Variants in TUSC3 observed in about 807,000 individuals in gnomAD.
TUSC3 encodes the protein tumor suppressor candidate 3, also known as dolichyl-diphosphooligosaccharide--protein glycosyltransferase subunit TUSC3.
In TUSC3, 45 loss-of-function variants were observed where a neutral mutation model predicts 44.8. The observed-to-expected ratio is 1.00, with a 90% CI of 0.79 to 1.29. The LOEUF (loss-of-function observed/expected upper bound fraction) is 1.29. Among genes scored for constraint, TUSC3 ranks in the 50% most tolerant of loss-of-function variants. TUSC3 has a pLI of 0.00. For missense variants in TUSC3, 519 were observed against 437.9 expected (o/e 1.19, Z -1.65); for synonymous variants, 212 against 152.9 (o/e 1.39, Z -2.85).
rs549114658 is a variant in TUSC3, at chr8:15,489,815, G to A, written n.189+6332G>A. Among the ~76,000 whole-genome samples the A allele has an allele frequency of 4.6e-5, 7 of 152,228 alleles. No individual in the cohort carries two copies. The East Asian group carries it at 1.4e-3, about 29-fold the overall frequency. ...TAAAATAGTTTTTCAGGTTTACTTT[G>A]GAATCCCCTTGGCCAACAGATGGGG... On this transcript the variant is annotated intron_variant and non_coding_transcript_variant, in intron 2 of 5. Transcript: ENST00000503191.
chr8:15,464,311 C>A (rs181145539), intron 1 of TUSC3, among the ~76,000 whole-genome samples: 145 of 152,264 alleles, frequency 9.5e-4, no homozygotes, highest in African/African-American at 3.3e-3. Flanking sequence ...AAGCCCTGAG[C>A]ACTTGATAAT....
At chr8:15,736,490 G>A (rs188144602) in intron 7 of TUSC3, among the ~76,000 whole-genome samples, 1 of 152,086 alleles carries the variant, frequency 6.6e-6, no homozygotes, top group African/African-American at 2.4e-5. Flanking sequence ...TAAAATTAAG[G>A]TAGGGTATGT....
chr8:15,446,153 C>T (rs1202813649), intron 1 of TUSC3, among the ~76,000 whole-genome samples: 1 of 150,820 alleles, frequency 6.6e-6, no homozygotes, highest in African/African-American at 2.4e-5. Flanking sequence ...CAGAGGCGCT[C>T]CTCACATCCC....
intron 1 of TUSC3, among the ~76,000 whole-genome samples, chr8:15,441,936 G>A (rs1037796937): frequency 6.6e-6 from 1 of 152,094 alleles, no homozygotes; most frequent in Non-Finnish European, 1.5e-5. Context: ...CAAGTCCCCA[G>A]GAGAAACTCC....
chr8:15,545,396 C>T (rs1801830099), intron 1 of TUSC3, among the ~76,000 whole-genome samples: 1 of 151,678 alleles, frequency 6.6e-6, no homozygotes, highest in South Asian at 2.1e-4. Flanking sequence ...ATGGGCAGTA[C>T]ACTTCTTTGA....
At chr8:15,505,004 T>C in intron 2 of TUSC3, among the ~76,000 whole-genome samples, 1 of 152,122 alleles carries the variant, frequency 6.6e-6, no homozygotes, top group East Asian at 1.9e-4. Flanking sequence ...TAAACAATAC[T>C]GTATCAACAT....
intron 1 of TUSC3, among the ~76,000 whole-genome samples, chr8:15,419,523 A>G (rs1269188929): frequency 6.6e-6 from 1 of 152,254 alleles, no homozygotes; most frequent in Non-Finnish European, 1.5e-5. Context: ...TGATGTGGCA[A>G]GTTTAAGAAA....
chr8:15,687,659 T>A (rs1027848189), intron 6 of TUSC3, among the ~76,000 whole-genome samples: 2 of 152,196 alleles, frequency 1.3e-5, no homozygotes, highest in Non-Finnish European at 1.5e-5. Flanking sequence ...CCTTCAACTG[T>A]TGCTGCCTAT....
At chr8:15,759,323 G>T (rs925093241) in intron 10 of TUSC3, among the ~76,000 whole-genome samples, 1 of 151,998 alleles carries the variant, frequency 6.6e-6, no homozygotes, top group Admixed American at 6.6e-5. Flanking sequence ...TTCCTCTCCA[G>T]TTTAAGAACA....
At chr8:15,662,719 TAAG>T (rs1354471527) in intron 5 of TUSC3, among the ~76,000 whole-genome samples, 3 of 151,908 alleles carry the variant, frequency 2.0e-5, no homozygotes, top group Non-Finnish European at 4.4e-5. Flanking sequence ...GATATAAAGT[TAAG>T]AAATACACTC....
chr8:15,692,380 T>TTTTG (rs1563175877), intron 6 of TUSC3, among the ~76,000 whole-genome samples: 4 of 135,376 alleles, frequency 3.0e-5, no homozygotes, highest in African/African-American at 1.1e-4. Context: ...CCTTTGTTTT[T>TTTTG]TTTTTTTTTT....
rs186343102 is a variant in TUSC3, at chr8:15,656,496, A to G, written c.427-3011A>G. Among the ~76,000 whole-genome samples, 562 of 152,330 alleles carry G rather than the reference A, an allele frequency of 3.7e-3. 24 individuals are homozygous for G. The highest frequency in any genetic ancestry group is 0.031 in the Admixed American group (481 of 15,310). On this transcript the variant is annotated intron_variant, in intron 3 of 10. Transcript: ENST00000503731. ...AAAAACTGACTGGGAAAACAGTATT[A>G]CATCTGAAAGCTGGAGATTATTTTT...
chr8:15,567,659 A>G (rs967208576), intron 1 of TUSC3, among the ~76,000 whole-genome samples: 11 of 152,160 alleles, frequency 7.2e-5, no homozygotes, highest in Non-Finnish European at 1.3e-4. Context: ...AGCAAAAAAT[A>G]ATGTGACATG....
At chr8:15,553,102 G>A (rs548890389) in intron 1 of TUSC3, among the ~76,000 whole-genome samples, 4 of 151,726 alleles carry the variant, frequency 2.6e-5, no homozygotes, top group Non-Finnish European at 4.4e-5. Context: ...AAAGATTTTC[G>A]AAGGAAGATA....
rs146151106 is a variant in TUSC3 at position 15,658,631 on chromosome 8, C to CATAT, written c.427-870_427-867dup. ...GAAATTTAATTCGTGTATATATACA[C>CATAT]ATATATATACACACACACACACACA... On this transcript the variant is annotated intron_variant, in intron 3 of 10. Transcript: ENST00000503731. Among the ~76,000 whole-genome samples the CATAT allele has an allele frequency of 5.5e-3, 602 of 109,450 alleles. 6 individuals carry two copies. The highest frequency in any genetic ancestry group is 0.021 in the African/African-American group (573 of 27,212). The allele number at this position is 109,450 out of a possible 152,430, so 71.8% of individuals were successfully genotyped here.
chr8:15,763,533 C>A (rs1036348383), intron 10 of TUSC3, among the ~76,000 whole-genome samples: 1 of 151,674 alleles, frequency 6.6e-6, no homozygotes, highest in Non-Finnish European at 1.5e-5. Context: ...AAGAACATGC[C>A]ACGTGTTAGC....
chr8:15,582,052 G>T (rs944826447), intron 1 of TUSC3, among the ~76,000 whole-genome samples: 4 of 152,046 alleles, frequency 2.6e-5, no homozygotes, highest in African/African-American at 7.3e-5. Context: ...GCAATATTCG[G>T]GTGGCAGTGA....
chr8:15,822,388 C>T, the TUSC3 span, among the ~76,000 whole-genome samples: 1 of 152,076 alleles, frequency 6.6e-6, no homozygotes, highest in Non-Finnish European at 1.5e-5. Context: ...ATAAGGTCCC[C>T]TAGGGAGATG....
chr8:15,740,418 G>A (rs924054685), intron 7 of TUSC3, among the ~76,000 whole-genome samples: 1 of 151,690 alleles, frequency 6.6e-6, no homozygotes, highest in African/African-American at 2.4e-5. Context: ...CAAATATAAA[G>A]GAGAATCTGA....
Sources: allele counts gnomAD v4.1 joint callset (sites outside exome capture counted in the v4.1 genomes callset), GRCh38; gene constraint gnomAD v4.1.1; transcripts MANE v1.5; gene names NCBI Gene and HGNC (gene_info 2026-07-23, HGNC 2026-07-21).